SDC1: variants seen among roughly 807,000 people sequenced by gnomAD.
SDC1 encodes syndecan 1.
A neutral mutation model predicts 29.7 loss-of-function variants in SDC1; 14 were observed. The ratio of observed to expected loss-of-function variants is 0.47; its 90% CI spans 0.31 to 0.74. The LOEUF (loss-of-function observed/expected upper bound fraction) is 0.74. Ranked by LOEUF, SDC1 falls within the 30% of genes least tolerant of loss-of-function variation. The probability of loss-of-function intolerance (pLI) is 0.05; values close to 1 mark genes in which losing one functional copy is unlikely to be tolerated. For missense variants in SDC1, 406 were observed against 400.3 expected, an observed-to-expected ratio of 1.01 and a Z score of -0.12; for synonymous variants, 204 against 175.5, an observed-to-expected ratio of 1.16 and a Z score of -1.29.
intron 1 of SDC1, among the ~76,000 whole-genome samples, chr2:20,213,145 C>T (rs947234356): frequency 1.3e-5 from 2 of 152,196 alleles, no homozygotes; most frequent in African/African-American, 4.8e-5. Context: ...CCCCCAGCAC[C>T]CCCATACCTA....
Position 20,224,584 on chromosome 2 carries a change from C to A in SDC1, c.66+218G>T, listed in dbSNP as rs922991737. On this transcript the variant is annotated intron_variant, in intron 1 of 4. Transcript: ENST00000254351. This position sits in a 1 kb window ranked among gnomAD's most constrained non-coding sequence, Gnocchi z 4.9. The stretch of plus-strand genomic sequence containing the variant: ...TGAGCGCGGGGCCCCGGCCCCCCAC[C>A]CTCCCCAGCGCGGGACCGGTGCGGC... Among the ~76,000 whole-genome samples, 1 of 151,814 alleles carries A rather than the reference C, an allele frequency of 6.6e-6. No individual in the cohort carries two copies. The highest frequency in any genetic ancestry group is 1.5e-5 in the Non-Finnish European group (1 of 67,894).
At chr2:20,218,672 C>T (rs772401420) in intron 1 of SDC1, among the ~76,000 whole-genome samples, 2 of 150,138 alleles carry the variant, frequency 1.3e-5, no homozygotes, top group Non-Finnish European at 2.9e-5. Context: ...CACGTACACA[C>T]GGACACACAC....
chr2:20,204,201 G>A lies in SDC1; in HGVS notation c.239C>T (p.Pro80Leu), dbSNP rs1301762360. 1 of 1,599,438 alleles carries A rather than the reference G, an allele frequency of 6.3e-7. No homozygotes were observed. Among genetic ancestry groups the A allele is most frequent in the Admixed American group, 1.7e-5 (1 of 59,992 alleles). The change falls in exon 3 of 5, where the codon CCC becomes CTC. Residue 80 changes from proline (P) to leucine (L), a missense_variant. Coordinates refer to ENST00000254351, the MANE Select transcript of SDC1 (RefSeq NM_002997.5). ...GGCAGCTGTAGCCTCCAGGCCGGTGGGTTCTGGAGACGTGGGAATAGCCGT... is the reference window on the plus strand; with the variant it reads ...GGCAGCTGTAGCCTCCAGGCCGGTGAGTTCTGGAGACGTGGGAATAGCCGT... ...LLTAIPTSPE[P>L]TGLEATAAST... is the part of the protein sequence containing the mutation.
At chr2:20,211,767 G>A (rs72783299) in intron 1 of SDC1, among the ~76,000 whole-genome samples, 7,746 of 152,316 alleles carry the variant, frequency 0.051, 230 homozygotes, top group Non-Finnish European at 0.068. Context: ...GGGAGGGCAC[G>A]GGAGAAAAAG....
intron 1 of SDC1, chr2:20,207,924 C>G: frequency 4.1e-6 from 4 of 984,524 alleles, no homozygotes; most frequent in Non-Finnish European, 4.8e-6. Flanking sequence ...CACCCATACT[C>G]ACTGGGATCA....
At chr2:20,220,958 GCAAGTCAC>G (rs1273265615) in intron 1 of SDC1, among the ~76,000 whole-genome samples, 1 of 152,232 alleles carries the variant, frequency 6.6e-6, no homozygotes, top group Admixed American at 6.5e-5. Flanking sequence ...CCTGTGACCA[GCAAGTCAC>G]TTACAAGTCA....
chr2:20,209,231 C>T (rs1677383766), intron 1 of SDC1, among the ~76,000 whole-genome samples: 1 of 152,202 alleles, frequency 6.6e-6, no homozygotes, highest in Non-Finnish European at 1.5e-5. Flanking sequence ...CTCTTTCTTC[C>T]CTACAACTCC....
At chr2:20,220,465 T>A (rs868683196) in intron 1 of SDC1, among the ~76,000 whole-genome samples, 3 of 152,044 alleles carry the variant, frequency 2.0e-5, no homozygotes, top group Non-Finnish European at 4.4e-5. Flanking sequence ...AGTGGGGCAA[T>A]GATATATATT....
In SDC1 at chr2:20,224,737, G is replaced by A. The variant is rs1423845364; in HGVS notation, c.66+65C>T. 4.8e-6 allele frequency: 6 copies of A among 1,252,576 alleles called. No homozygotes were observed. In the African/African-American group the frequency reaches 7.9e-5, roughly 16 times the overall value. 77.6% of individuals were successfully genotyped at this position (1,252,576 alleles called of 1,614,324 possible). ...CCCTCCCCCTCCACGTGCACCCGCC[G>A]GCATCCGCGGGTGACCAGTCCCGGC... On this transcript the variant is annotated intron_variant, in intron 1 of 4. Transcript: ENST00000254351. The surrounding 1 kb of genome is among the most constrained non-coding windows in gnomAD (Gnocchi z 4.9).
chr2:20,214,847 A>G (rs771693466), intron 1 of SDC1, among the ~76,000 whole-genome samples: 1 of 152,176 alleles, frequency 6.6e-6, no homozygotes, highest in Non-Finnish European at 1.5e-5. Context: ...GCTAATGTTT[A>G]TTGAGTCCTC....
chr2:20,203,334 C>T, intron 3 of SDC1, 112 bp from the exon 4 acceptor site: 2 of 1,241,252 alleles, frequency 1.6e-6, no homozygotes, highest in Non-Finnish European at 2.2e-6. Context: ...TGCCACCACC[C>T]ACTCAGATGC....
At chr2:20,217,449 A>C (rs1572471519) in intron 1 of SDC1, among the ~76,000 whole-genome samples, 1 of 152,082 alleles carries the variant, frequency 6.6e-6, no homozygotes, top group East Asian at 1.9e-4. Context: ...CCAGATACCC[A>C]CCAGTCACAC....
chr2:20,211,502 C>G (rs763159957), intron 1 of SDC1, among the ~76,000 whole-genome samples: 3 of 152,250 alleles, frequency 2.0e-5, no homozygotes, highest in Non-Finnish European at 2.9e-5. Context: ...CTCCCTCCCC[C>G]AGGAGCTGAA....
In SDC1 at chr2:20,215,532, C is replaced by G. The variant is rs114685395; in HGVS notation, c.66+9270G>C. On this transcript the variant is annotated intron_variant, in intron 1 of 4. Coordinates refer to ENST00000254351, the MANE Select transcript of SDC1 (RefSeq NM_002997.5). Reference sequence around the variant, plus strand: ...GCAGGCCATTCACACAGAGTGACTCCACGCTCAGGCTGGGTCAGACTGCAC... The same window carrying G: ...GCAGGCCATTCACACAGAGTGACTCGACGCTCAGGCTGGGTCAGACTGCAC... 4.3e-3 allele frequency among the ~76,000 whole-genome samples: 649 copies of G among 152,340 alleles called. 8 individuals are homozygous for G. The highest frequency in any genetic ancestry group is 0.015 in the African/African-American group (611 of 41,586).
Position 20,200,974 on chromosome 2 carries a change from G to C in SDC1, c.*1792C>G, listed in dbSNP as rs929025745. On this transcript the variant is annotated 3_prime_UTR_variant, in exon 5 of 5. Transcript: ENST00000254351. Reference sequence around the variant, plus strand: ...GTCGCAGTATCGAATACCGGACACAGGTTCCCTTGGCTTGGTGGTGCATCT... The same window carrying C: ...GTCGCAGTATCGAATACCGGACACACGTTCCCTTGGCTTGGTGGTGCATCT... 5 of 152,266 alleles carry C rather than the reference G, an allele frequency of 3.3e-5. No homozygotes were observed. Among genetic ancestry groups the C allele is most frequent in the African/African-American group, 1.2e-4 (5 of 41,456 alleles). 9.4% of individuals were successfully genotyped at this position (152,266 alleles called of 1,614,324 possible). A position where few individuals can be genotyped will look rare whatever the true frequency, so the allele number is the denominator to read the frequency against.
rs75423302 is a variant in SDC1 at position 20,222,326 on chromosome 2, T to C, written c.66+2476A>G. ...TGCCACTTGCAAATACCTTCTCCCA[T>C]CTTAAAGCAAATCCCAGCTGCCTGA... On this transcript the variant is annotated intron_variant, in intron 1 of 4. Coordinates refer to ENST00000254351, the MANE Select transcript of SDC1 (RefSeq NM_002997.5). Among the ~76,000 whole-genome samples the C allele has an allele frequency of 6.5e-3, 988 of 152,236 alleles. 7 individuals are homozygous for C. Among genetic ancestry groups the C allele is most frequent in the African/African-American group, 0.022 (909 of 41,548 alleles).
Position 20,204,088 on chromosome 2 carries a change from C to T in SDC1, c.352G>A (p.Glu118Lys). 6.2e-7 allele frequency: 1 copy of T among 1,609,882 alleles called. No homozygotes were observed. Among genetic ancestry groups the T allele is most frequent in the Non-Finnish European group, 8.5e-7 (1 of 1,179,874 alleles). ...PEVEPGLTAR[E>K]QEATPRPRET... ...CTGGGTCGGGGGGTGGCCTCCTGCT[C>T]CCGGGCGGTGAGGCCAGGCTCCACT... Residue 118 changes from glutamate to lysine, a missense_variant, in exon 3 of 5, where the codon GAG becomes AAG. Physicochemically the swap from Glu to Lys is moderately conservative, Grantham distance 56 (BLOSUM62 1). Transcript: ENST00000254351.
At chr2:20,207,122 G>A (rs537969609) in intron 1 of SDC1, among the ~76,000 whole-genome samples, 44 of 152,304 alleles carry the variant, frequency 2.9e-4, no homozygotes, top group African/African-American at 9.9e-4. Flanking sequence ...AAGCAGAGAG[G>A]GACAGACAAG....
At chr2:20,212,413 G>A (rs886317926) in intron 1 of SDC1, among the ~76,000 whole-genome samples, 1 of 152,134 alleles carries the variant, frequency 6.6e-6, no homozygotes, top group Non-Finnish European at 1.5e-5. Context: ...CCCCAGCCTC[G>A]GGGTTGTGGA....
Sources: gnomAD v4.1 joint callset for allele counts (sites outside exome capture counted in the v4.1 genomes callset) on GRCh38, gnomAD v4.1.1 for gene constraint, Gnocchi (gnomAD v3.1) non-coding constraint, MANE v1.5 for transcripts, NCBI Gene and HGNC (gene_info 2026-07-23, HGNC 2026-07-21) for gene names.